Variants in PRDM1 observed in about 807,000 individuals in gnomAD.
PRDM1 encodes PR/SET domain 1.
PRDM1 carries 13 observed loss-of-function variants against 62.8 expected under a neutral mutation model. The observed-to-expected ratio is 0.21, with a 90% CI of 0.13 to 0.33. The LOEUF is 0.33. Ranked by LOEUF, PRDM1 falls within the 10% of genes least tolerant of loss-of-function variation. The pLI, the probability that PRDM1 is intolerant of heterozygous loss-of-function variation, is 1.00. For synonymous variants in PRDM1, 396 were observed against 417.6 expected (o/e 0.95, Z 0.63); for missense variants, 895 against 1,058.8 (o/e 0.85, Z 2.15).
intron 1 of PRDM1, among the ~76,000 whole-genome samples, chr6:106,030,295 A>T (rs1227380367): frequency 6.6e-6 from 1 of 152,100 alleles, no homozygotes. Flanking sequence ...TGACCTCCAG[A>T]GTAGTTATGA....
chr6:106,039,782 A>C (rs1582434845), intron 1 of PRDM1, among the ~76,000 whole-genome samples: 1 of 152,324 alleles, frequency 6.6e-6, no homozygotes, highest in African/African-American at 2.4e-5. Context: ...TTAGTCACAA[A>C]TCTATTGTCA....
chr6:106,000,820 T>C (rs2114542090), intron 1 of PRDM1, among the ~76,000 whole-genome samples: 1 of 152,244 alleles, frequency 6.6e-6, no homozygotes, highest in East Asian at 1.9e-4. Context: ...TGTTCACTAT[T>C]TCAAATGAGG....
intron 1 of PRDM1, among the ~76,000 whole-genome samples, chr6:106,011,352 A>C (rs1772545657): frequency 1.3e-5 from 2 of 152,148 alleles, no homozygotes; most frequent in Admixed American, 6.5e-5. Flanking sequence ...CAGCTATTGT[A>C]AACTTATTAT....
At chr6:106,052,430 A>G (rs1243247542) in intron 1 of PRDM1, among the ~76,000 whole-genome samples, 1 of 152,092 alleles carries the variant, frequency 6.6e-6, no homozygotes, top group East Asian at 1.9e-4. Flanking sequence ...GATGCCTTTA[A>G]TGTTTTTTTA....
At chr6:106,098,804 C>G in intron 3 of PRDM1, 4 of 1,509,968 alleles carry the variant, frequency 2.6e-6, no homozygotes, top group Non-Finnish European at 3.6e-6. Context: ...ATAGTTGAAG[C>G]CTTGGGCGGG....
At chr6:106,024,863 G>A (rs1488651594) in intron 1 of PRDM1, among the ~76,000 whole-genome samples, 2 of 152,058 alleles carry the variant, frequency 1.3e-5, no homozygotes, top group African/African-American at 4.8e-5. Context: ...TATGTGTCAG[G>A]TAACATGTCC....
upstream of PRDM1, among the ~76,000 whole-genome samples, chr6:106,043,736 G>C (rs557182389): frequency 9.9e-5 from 15 of 152,212 alleles, 1 homozygote; most frequent in South Asian, 3.1e-3. Flanking sequence ...GTTTCTCCCT[G>C]TTGGTCAAGC....
chr6:106,056,875 C>T (rs112087178), intron 1 of PRDM1, among the ~76,000 whole-genome samples: 2 of 1,998 alleles, frequency 1.0e-3, no homozygotes, highest in African/African-American at 4.0e-3. Flanking sequence ...TGTTATTTGG[C>T]TTGGGAAGGT....
At chr6:106,034,499 CTTT>C (rs1397563452) in intron 1 of PRDM1, among the ~76,000 whole-genome samples, 1 of 151,830 alleles carries the variant, frequency 6.6e-6, no homozygotes, top group East Asian at 1.9e-4. Flanking sequence ...TTGATTTCTT[CTTT>C]TATTATTTAA....
chr6:106,101,053 C>A (rs779247526), intron 4 of PRDM1, among the ~76,000 whole-genome samples: 1 of 152,020 alleles, frequency 6.6e-6, no homozygotes, highest in African/African-American at 2.4e-5. Context: ...TAGTAACAAA[C>A]GACAAATGCA....
At chr6:106,088,970 G>T (rs1186088386) in intron 2 of PRDM1, among the ~76,000 whole-genome samples, 1 of 152,314 alleles carries the variant, frequency 6.6e-6, no homozygotes, top group South Asian at 2.1e-4. Context: ...AGCCGAGAAA[G>T]GGGGTCATGT....
chr6:106,049,791 C>A (rs1773142650), intron 1 of PRDM1, among the ~76,000 whole-genome samples: 1 of 152,212 alleles, frequency 6.6e-6, no homozygotes, highest in Admixed American at 6.5e-5. Flanking sequence ...ACCCACTGAG[C>A]AAATGAATAT....
Position 105,994,205 on chromosome 6 carries a change from G to A in PRDM1, c.-67+566G>A, listed in dbSNP as rs1022717804. 2.6e-5 allele frequency among the ~76,000 whole-genome samples: 4 copies of A among 152,102 alleles called. No individual in the cohort carries two copies. The highest frequency in any genetic ancestry group is 5.9e-5 in the Non-Finnish European group (4 of 68,006). On this transcript the variant is annotated intron_variant, in intron 1 of 6. Transcript: ENST00000652320. This position sits in a 1 kb window ranked among gnomAD's most constrained non-coding sequence, Gnocchi z 4.1. ...ACGCCGCATCTACTGAGCGGTCGCC[G>A]AAGACGCCGGGAGGCGAGGGGCGAG...
intron 1 of PRDM1, among the ~76,000 whole-genome samples, chr6:106,062,682 C>G (rs1773362266): frequency 6.6e-6 from 1 of 152,294 alleles, no homozygotes; most frequent in South Asian, 2.1e-4. Context: ...ACCCCTCCTC[C>G]AACACACACA....
At chr6:106,012,389 C>G (rs1772568730) in intron 1 of PRDM1, among the ~76,000 whole-genome samples, 1 of 151,330 alleles carries the variant, frequency 6.6e-6, no homozygotes, top group Admixed American at 6.6e-5. Flanking sequence ...ATACCACACA[C>G]AAAACATACC....
At chr6:106,030,605 G>A (rs1284350115) in intron 1 of PRDM1, among the ~76,000 whole-genome samples, 1 of 152,140 alleles carries the variant, frequency 6.6e-6, no homozygotes, top group African/African-American at 2.4e-5. Context: ...AAAACTGGCT[G>A]AGTCCAAGGT....
chr6:106,005,508 G>A (rs945475716), intron 1 of PRDM1, among the ~76,000 whole-genome samples: 4 of 152,160 alleles, frequency 2.6e-5, no homozygotes, highest in African/African-American at 4.8e-5. Flanking sequence ...GTTTGTTCAC[G>A]AGCACTCCTT....
chr6:106,105,144 C>G lies in PRDM1; in HGVS notation c.984C>G (p.Pro328=), dbSNP rs542551556. ...IERPTYITRS[P]IPSSTTPSPS... is the part of the protein sequence containing the mutation. ...GACCCACGTACATCACTCGCTCCCC[C>G]ATTCCATCCTCCACCACTCCAAGCC... Residue 328 remains proline (P), a synonymous_variant, in exon 5 of 7, where the codon CCC becomes CCG. Transcript: ENST00000369096. The G allele has an allele frequency of 3.0e-5, 49 of 1,613,248 alleles. No individual in the cohort carries two copies. The Admixed American group carries it at 6.0e-4, about 20-fold the overall frequency.
At chr6:106,017,862 G>A (rs148857786) in intron 1 of PRDM1, among the ~76,000 whole-genome samples, 5 of 152,274 alleles carry the variant, frequency 3.3e-5, no homozygotes, top group African/African-American at 1.2e-4. Context: ...CCTGGGGTGG[G>A]CTGAGGGTCA....
Sources: gnomAD v4.1 joint callset for allele counts (sites outside exome capture counted in the v4.1 genomes callset) on GRCh38, gnomAD v4.1.1 for gene constraint, Gnocchi (gnomAD v3.1) non-coding constraint, MANE v1.5 for transcripts, NCBI Gene and HGNC (gene_info 2026-07-23, HGNC 2026-07-21) for gene names.